The following GIN1 variants were observed in gnomAD, a reference collection of about 807,000 sequenced individuals.
The protein encoded by GIN1 is gypsy retrotransposon integrase 1, also known as gypsy retrotransposon integrase-like protein 1.
Under a neutral mutation model 51.4 loss-of-function variants are expected in GIN1, and 41 were observed. That is an observed-to-expected ratio of 0.80 (90% confidence interval 0.62 to 1.04). The LOEUF (loss-of-function observed/expected upper bound fraction) is 1.04. Ranked by LOEUF, GIN1 falls within the 50% of genes least tolerant of loss-of-function variation. The pLI, the probability that GIN1 is intolerant of heterozygous loss-of-function variation, is 0.00. For missense variants in GIN1, 610 were observed against 612.4 expected (o/e 1.00, Z 0.04); for synonymous variants, 222 against 206.5 (o/e 1.07, Z -0.64).
chr5:103,089,449 TTCATTCATTCATTCAC>T (rs1388603006), intron 7 of GIN1, among the ~76,000 whole-genome samples: 8 of 152,186 alleles, frequency 5.3e-5, no homozygotes, highest in Admixed American at 5.2e-4. Flanking sequence ...CATTCATTCA[TTCATTCATTCATTCAC>T]TCATTCATTC....
intron 4 of GIN1, among the ~76,000 whole-genome samples, chr5:103,103,783 GTTA>G (rs1787641707): frequency 6.6e-6 from 1 of 152,062 alleles, no homozygotes; most frequent in Non-Finnish European, 1.5e-5. Context: ...CAATCATAGT[GTTA>G]TTATTATTAT....
chr5:103,119,163 G>C (rs781984761), intron 1 of GIN1, among the ~76,000 whole-genome samples: 1 of 152,140 alleles, frequency 6.6e-6, no homozygotes, highest in Non-Finnish European at 1.5e-5. Context: ...ATTATGTCAA[G>C]ATTAGGACTT....
intron 7 of GIN1, among the ~76,000 whole-genome samples, chr5:103,090,584 A>G (rs1020035562): frequency 6.6e-5 from 10 of 152,202 alleles, no homozygotes; most frequent in Admixed American, 5.9e-4. Context: ...CAGTGATGGC[A>G]GTTACCATAG....
intron 6 of GIN1, 43 bp downstream of exon 6, chr5:103,097,271 T>C (rs1787428026): frequency 4.2e-6 from 5 of 1,199,014 alleles, no homozygotes; most frequent in East Asian, 2.4e-5. Flanking sequence ...AATATAACTT[T>C]TATAAAGTTT....
At chr5:103,101,919 C>T (rs1323387964) in intron 4 of GIN1, among the ~76,000 whole-genome samples, 1 of 152,106 alleles carries the variant, frequency 6.6e-6, no homozygotes, top group East Asian at 1.9e-4. Context: ...TTGCTCAGAC[C>T]ACTGCTATGT....
At chr5:103,100,290 G>A (rs1487938855) in intron 4 of GIN1, among the ~76,000 whole-genome samples, 1 of 151,732 alleles carries the variant, frequency 6.6e-6, no homozygotes, top group Non-Finnish European at 1.5e-5. Flanking sequence ...TGTAGAGATG[G>A]CATTTCACCA....
chr5:103,100,587 C>T (rs1170433348), intron 4 of GIN1, among the ~76,000 whole-genome samples: 1 of 149,948 alleles, frequency 6.7e-6, no homozygotes, highest in Non-Finnish European at 1.5e-5. Flanking sequence ...TTTGTAGAGA[C>T]GGAGTCTTGT....
intron 7 of GIN1, among the ~76,000 whole-genome samples, chr5:103,089,310 T>C (rs960668031): frequency 3.9e-5 from 6 of 152,214 alleles, no homozygotes; most frequent in African/African-American, 1.4e-4. Flanking sequence ...TTTGAATTCA[T>C]TACAATAAGA....
intron 7 of GIN1, among the ~76,000 whole-genome samples, chr5:103,089,463 C>T (rs1176642535): frequency 6.7e-6 from 1 of 149,782 alleles, no homozygotes; most frequent in Non-Finnish European, 1.5e-5. Context: ...TTCATTCATT[C>T]ACTCATTCAT....
rs185820409 is a variant in GIN1 at position 103,097,378 on chromosome 5, T to C, written c.944A>G (p.Lys315Arg). 70 of 1,596,182 alleles carry C rather than the reference T, an allele frequency of 4.4e-5. No individual in the cohort carries two copies. The East Asian group carries it at 1.4e-3, about 32-fold the overall frequency. ...AGCTTCTTTAATTGCATCTAGAATT[T>C]TGGCAAACATACTTGTATTATCACC... is the stretch of plus-strand genomic sequence containing the variant. Reference protein sequence around the residue: ...VDGDNTSMFAKILDAIKEADK... With the variant: ...VDGDNTSMFARILDAIKEADK... The change falls in exon 6 of 8, where the codon AAA (lysine) becomes AGA (arginine). Residue 315 changes from lysine to arginine, a missense_variant. By Grantham distance (26) the Lys-to-Arg change is conservative. Transcript: ENST00000399004.
chr5:103,099,723 C>T (rs1016474041), intron 4 of GIN1, among the ~76,000 whole-genome samples: 1 of 152,138 alleles, frequency 6.6e-6, no homozygotes, highest in African/African-American at 2.4e-5. Flanking sequence ...TTCTGTAAGA[C>T]ATTTAAAAAA....
intron 4 of GIN1, among the ~76,000 whole-genome samples, chr5:103,098,188 GC>G (rs1787463080): frequency 6.6e-6 from 1 of 152,000 alleles, no homozygotes; most frequent in Non-Finnish European, 1.5e-5. Context: ...GCTGAATCTT[GC>G]TTTTTTATTG....
intron 4 of GIN1, chr5:103,102,660 C>T (rs565643991): frequency 6.6e-6 from 1 of 152,152 alleles, no homozygotes; most frequent in East Asian, 1.9e-4. Context: ...GCCAGTAATT[C>T]CAGCACTCTG....
Position 103,106,873 on chromosome 5 carries a change from T to G in GIN1, c.176A>C (p.Gln59Pro), listed in dbSNP as rs1192189149. ...KLFYVGKDRK[Q>P]NRLVIVSEEE... ...TTCTGAAACAATTACCAAACGATTT[T>G]GTTTTCTGTCTTTTCCAACATAAAA... The change falls in exon 3 of 8, where the codon CAA (glutamine) becomes CCA (proline). Residue 59 changes from glutamine (Q) to proline (P), a missense_variant. Gln to Pro is a moderately conservative substitution (Grantham distance 76, BLOSUM62 -1). Coordinates refer to ENST00000399004, the MANE Select transcript of GIN1 (RefSeq NM_017676.2). 2 of 1,587,658 alleles carry G rather than the reference T, an allele frequency of 1.3e-6. No homozygotes were observed. The highest frequency in any genetic ancestry group is 3.7e-5 in the Admixed American group (2 of 54,788).
intron 1 of GIN1, among the ~76,000 whole-genome samples, chr5:103,116,735 A>C (rs1445720608): frequency 1.3e-5 from 2 of 152,122 alleles, no homozygotes; most frequent in Admixed American, 6.5e-5. Flanking sequence ...CTCGAAGCTT[A>C]ACAAGAAAGC....
intron 2 of GIN1, among the ~76,000 whole-genome samples, chr5:103,107,158 G>T (rs921662167): frequency 6.6e-6 from 1 of 151,952 alleles, no homozygotes; most frequent in Non-Finnish European, 1.5e-5. Flanking sequence ...AGTAGAGCAA[G>T]CTTGTTCACC....
chr5:103,097,433 C>T lies in GIN1; in HGVS notation c.889G>A (p.Glu297Lys), dbSNP rs1554195224. 11 of 1,578,502 alleles carry T rather than the reference C, an allele frequency of 7.0e-6. No individual in the cohort carries two copies. The East Asian group carries it at 2.5e-4, about 35-fold the overall frequency. ...QMFSRNPYMP[E>K]TSDSLHEVDG... is the part of the protein sequence containing the mutation. ...ACTTCATGAAGACTATCTGAAGTCT[C>T]AGGCATATAAGGATTTCGACTAAAC... Residue 297 changes from glutamate (E) to lysine (K), a missense_variant, in exon 6 of 8, where the codon GAG becomes AAG. Coordinates refer to ENST00000399004, the MANE Select transcript of GIN1 (RefSeq NM_017676.2).
rs114790300 is a variant in GIN1 at position 103,106,531 on chromosome 5, T to C, written c.333+185A>G. 306 of 438,678 alleles carry C rather than the reference T, an allele frequency of 7.0e-4. 1 individual carries two copies. Among genetic ancestry groups the C allele is most frequent in the African/African-American group, 5.8e-3 (283 of 48,578 alleles). The allele number at this position is 438,678 out of a possible 1,614,324, so 27.2% of individuals were successfully genotyped here. On this transcript the variant is annotated intron_variant, in intron 3 of 7. Coordinates refer to ENST00000399004, the MANE Select transcript of GIN1 (RefSeq NM_017676.2). ...TATTTTCAAGTGTTTAAATAATGCT[T>C]CTTTCCTGTTCAAATTATACTTAAG... is the stretch of plus-strand genomic sequence containing the variant.
At chr5:103,092,100 C>G (rs534207741) in intron 7 of GIN1, among the ~76,000 whole-genome samples, 1 of 152,076 alleles carries the variant, frequency 6.6e-6, no homozygotes, top group East Asian at 1.9e-4. Flanking sequence ...CTCATTGCAG[C>G]TCAGTCTCCC....
Sources: allele counts gnomAD v4.1 joint callset (sites outside exome capture counted in the v4.1 genomes callset), GRCh38; gene constraint gnomAD v4.1.1; transcripts MANE v1.5; gene names NCBI Gene and HGNC (gene_info 2026-07-23, HGNC 2026-07-21).